PRDM14: variants seen among roughly 807,000 people sequenced by gnomAD.
The protein encoded by PRDM14 is PR/SET domain 14, also known as PR domain zinc finger protein 14.
Under a neutral mutation model 48.0 loss-of-function variants are expected in PRDM14, and 16 were observed. That is an observed-to-expected ratio of 0.33 (90% CI 0.23 to 0.51). The LOEUF is 0.51. PRDM14 is among the 20% of genes least tolerant of loss of function. The pLI is 0.97. For missense variants in PRDM14, 566 were observed against 719.6 expected (o/e 0.79, Z 2.44); for synonymous variants, 264 against 276.6 (o/e 0.95, Z 0.45).
Position 70,052,159 on chromosome 8 carries a change from CCAT to C in PRDM14, c.1631_1633del (p.Asp544del). The C allele has an allele frequency of 6.2e-7, 1 of 1,613,476 alleles. No individual in the cohort carries two copies. Among genetic ancestry groups the C allele is most frequent in the Non-Finnish European group, 8.5e-7 (1 of 1,179,912 alleles). On this transcript the variant is annotated inframe_deletion, in exon 8 of 8. Transcript: ENST00000276594. Reference sequence around the variant, plus strand: ...TTTCCCACAGATGCTGCATGAGCAGCCATCATCCTCCTTGTGTGAACGCCGGAC... The same window carrying C: ...TTTCCCACAGATGCTGCATGAGCAGCCATCCTCCTTGTGTGAACGCCGGAC...
chr8:70,056,623 A>G (rs1430573627), intron 6 of PRDM14, among the ~76,000 whole-genome samples: 1 of 151,928 alleles, frequency 6.6e-6, no homozygotes, highest in Non-Finnish European at 1.5e-5. Flanking sequence ...CTGGGACCAC[A>G]GGTGCGCACC....
At chr8:70,070,640 T>C (rs1048895448) in intron 1 of PRDM14, among the ~76,000 whole-genome samples, 17 of 152,154 alleles carry the variant, frequency 1.1e-4, no homozygotes, top group Admixed American at 4.6e-4. Context: ...CCCGGGTTCC[T>C]CGGAAACTCC....
At chr8:70,062,299 C>T (rs1158984224) in intron 5 of PRDM14, among the ~76,000 whole-genome samples, 1 of 152,112 alleles carries the variant, frequency 6.6e-6, no homozygotes, top group African/African-American at 2.4e-5. Flanking sequence ...CTGATATCGG[C>T]ATACTATTCC....
intron 6 of PRDM14, among the ~76,000 whole-genome samples, chr8:70,057,390 C>A (rs934345175): frequency 1.3e-5 from 2 of 150,504 alleles, no homozygotes; most frequent in African/African-American, 4.9e-5. Flanking sequence ...AGTGCAATGA[C>A]ACAGTCTCGG....
intron 5 of PRDM14, among the ~76,000 whole-genome samples, chr8:70,065,933 A>G (rs1394787766): frequency 6.6e-6 from 1 of 152,202 alleles, no homozygotes; most frequent in Non-Finnish European, 1.5e-5. Context: ...TGGCTCACCT[A>G]TGGTAGAAGT....
intron 2 of PRDM14, among the ~76,000 whole-genome samples, chr8:70,068,777 C>T (rs1337623613): frequency 6.6e-6 from 1 of 152,126 alleles, no homozygotes; most frequent in African/African-American, 2.4e-5. Context: ...GTAATTAACC[C>T]CATTAGGCAA....
intron 5 of PRDM14, among the ~76,000 whole-genome samples, chr8:70,065,811 A>G (rs1045342205): frequency 1.3e-5 from 2 of 151,080 alleles, no homozygotes; most frequent in African/African-American, 4.9e-5. Flanking sequence ...TGACCACTAA[A>G]TTGATTTCCC....
chr8:70,060,277 C>A (rs1805555001), intron 5 of PRDM14, among the ~76,000 whole-genome samples: 1 of 151,536 alleles, frequency 6.6e-6, no homozygotes, highest in Non-Finnish European at 1.5e-5. Flanking sequence ...ATAGCACACG[C>A]CTTTAGTCCC....
intron 7 of PRDM14, among the ~76,000 whole-genome samples, chr8:70,054,236 T>C (rs1242094578): frequency 2.0e-5 from 3 of 152,222 alleles, no homozygotes; most frequent in Non-Finnish European, 4.4e-5. Flanking sequence ...AATGCTCCTA[T>C]AGAAAATTAC....
intron 7 of PRDM14, among the ~76,000 whole-genome samples, chr8:70,053,081 G>A (rs1805415169): frequency 2.5e-5 from 3 of 120,228 alleles, no homozygotes; most frequent in South Asian, 3.0e-4. Flanking sequence ...CTGGGTAACA[G>A]AGCAAGACCC....
intron 5 of PRDM14, among the ~76,000 whole-genome samples, chr8:70,062,968 C>T (rs762266378): frequency 1.4e-4 from 21 of 152,012 alleles, no homozygotes; most frequent in Non-Finnish European, 5.9e-5. Flanking sequence ...TACTACTGAA[C>T]ATTTAGGTTG....
chr8:70,067,532 A>AAC, intron 4 of PRDM14, among the ~76,000 whole-genome samples: 1 of 125,758 alleles, frequency 8.0e-6, no homozygotes, highest in African/African-American at 3.1e-5. Context: ...AAAAAAAAAC[A>AAC]AAAAAAAAAA....
Position 70,069,147 on chromosome 8 carries a change from T to C in PRDM14, c.700+14A>G, listed in dbSNP as rs1204190304. 6.7e-7 allele frequency: 1 copy of C among 1,483,290 alleles called. No individual in the cohort carries two copies. The allele number at this position is 1,483,290 out of a possible 1,614,324, so 91.9% of individuals were successfully genotyped here. On this transcript the variant is annotated intron_variant, in intron 2 of 7. Coordinates refer to ENST00000276594, the MANE Select transcript of PRDM14 (RefSeq NM_024504.4). Reference sequence around the variant, plus strand: ...CGTCCAATTCGACTCCCAAATGGTGTGAACTCCCTTTACCAGAGCTGTCTG... The same window carrying C: ...CGTCCAATTCGACTCCCAAATGGTGCGAACTCCCTTTACCAGAGCTGTCTG...
At chr8:70,053,314 C>T (rs946884066) in intron 7 of PRDM14, among the ~76,000 whole-genome samples, 1 of 138,090 alleles carries the variant, frequency 7.2e-6, no homozygotes, top group Admixed American at 7.1e-5. Flanking sequence ...AAGTCAGTGC[C>T]TTACTGGTTT....
rs979534802 is a variant in PRDM14 at position 70,067,079 on chromosome 8, C to T, written c.913-574G>A. 2.6e-5 allele frequency among the ~76,000 whole-genome samples: 4 copies of T among 152,174 alleles called. No homozygotes were observed. In the South Asian group the frequency reaches 8.3e-4, roughly 32 times the overall value. On this transcript the variant is annotated intron_variant, in intron 4 of 7. Transcript: ENST00000276594. ...TTACTTTTATCACTTTCTTGCTTCC[C>T]AAATTCCTATAGTGAGCACATGTTA...
intron 5 of PRDM14, among the ~76,000 whole-genome samples, chr8:70,060,338 G>T (rs1458338469): frequency 6.6e-6 from 1 of 150,552 alleles, no homozygotes; most frequent in Non-Finnish European, 1.5e-5. Flanking sequence ...AGTTGAGGCT[G>T]CAATGAGCAG....
intron 7 of PRDM14, among the ~76,000 whole-genome samples, chr8:70,052,787 C>T (rs1563437240): frequency 1.4e-5 from 2 of 146,048 alleles, no homozygotes; most frequent in Admixed American, 7.2e-5. Context: ...ATTTCTTGAA[C>T]CCAGGAGGCG....
intron 6 of PRDM14, among the ~76,000 whole-genome samples, chr8:70,057,210 C>T (rs2131036118): frequency 6.6e-6 from 1 of 152,136 alleles, no homozygotes; most frequent in Non-Finnish European, 1.5e-5. Flanking sequence ...CGTGATCCAC[C>T]TGTCTCGGCC....
chr8:70,052,085 C>T lies in PRDM14; in HGVS notation c.1708G>A (p.Asp570Asn). Residue 570 changes from aspartate (D) to asparagine (N), a missense_variant, in exon 8 of 8, where the codon GAC becomes AAC. Physicochemically the swap from Asp to Asn is conservative, Grantham distance 23 (BLOSUM62 1). Around this residue, in one of 3 missense-constraint regions of PRDM14, gnomAD observed 30 missense variants for 23.4 expected, o/e 1.28. Coordinates refer to ENST00000276594, the MANE Select transcript of PRDM14 (RefSeq NM_024504.4). ...CATTGTGCCTGGCAGGGCTAGTAGT[C>T]TTCATGAAACTTCATGTGGGAGTAG... ...TFYSHMKFHE[D>N]Y 6.2e-7 allele frequency: 1 copy of T among 1,601,674 alleles called. No individual in the cohort carries two copies. Among genetic ancestry groups the T allele is most frequent in the South Asian group, 1.1e-5 (1 of 89,130 alleles).
Sources: gnomAD v4.1 joint callset for allele counts (sites outside exome capture counted in the v4.1 genomes callset) on GRCh38, gnomAD v4.1.1 for gene constraint, gnomAD v4.1.1 regional missense constraint, MANE v1.5 for transcripts, NCBI Gene and HGNC (gene_info 2026-07-23, HGNC 2026-07-21) for gene names.